TMX4: variants seen among roughly 807,000 people sequenced by gnomAD.
The protein encoded by TMX4 is thioredoxin related transmembrane protein 4, also known as thioredoxin-related transmembrane protein 4.
Under a neutral mutation model 33.3 loss-of-function variants are expected in TMX4, and 23 were observed. The ratio of observed to expected loss-of-function variants is 0.69; its 90% CI spans 0.50 to 0.98. The LOEUF is 0.98. TMX4 is among the 50% of genes least tolerant of loss of function. The probability of loss-of-function intolerance (pLI) is 0.00; values close to 1 mark genes in which losing one functional copy is unlikely to be tolerated. For synonymous variants in TMX4, 164 were observed against 161.5 expected (o/e 1.02, Z -0.12); for missense variants, 399 against 448.9 (o/e 0.89, Z 1.01).
In TMX4 at chr20:7,978,133, T is replaced by G. The variant is rs1487588961; in HGVS notation, c.*4118A>C. ...ATTCTTTCGAAAATGTTGGTACATT[T>G]GACAGGATGGGTCAACCACATATTC... On this transcript the variant is annotated 3_prime_UTR_variant, in exon 8 of 8. Coordinates refer to ENST00000246024, the MANE Select transcript of TMX4 (RefSeq NM_021156.4). The G allele has an allele frequency of 1.3e-5, 2 of 152,206 alleles. No individual in the cohort carries two copies. Among genetic ancestry groups the G allele is most frequent in the Admixed American group, 6.5e-5 (1 of 15,278 alleles). 9.4% of individuals were successfully genotyped at this position (152,206 alleles called of 1,614,324 possible).
chr20:8,006,701 CTCTA>C (rs1350632433), intron 2 of TMX4, among the ~76,000 whole-genome samples: 1 of 151,728 alleles, frequency 6.6e-6, no homozygotes, highest in East Asian at 1.9e-4. Context: ...ACTTCTCCCT[CTCTA>C]TCTCACTAAC....
chr20:8,018,524 G>GTGTCTC (rs767056731), intron 1 of TMX4, among the ~76,000 whole-genome samples: 565 of 45,344 alleles, frequency 0.012, 149 homozygotes, highest in African/African-American at 0.089. Flanking sequence ...GAGAGAGAGA[G>GTGTCTC]AGAGTCTGCA....
At chr20:8,004,498 T>C (rs1213709269) in intron 2 of TMX4, among the ~76,000 whole-genome samples, 1 of 152,240 alleles carries the variant, frequency 6.6e-6, no homozygotes, top group African/African-American at 2.4e-5. Context: ...AATTTCTACA[T>C]GCCTTTTTTA....
chr20:7,991,367 T>C (rs901371143), intron 5 of TMX4, among the ~76,000 whole-genome samples: 6 of 152,252 alleles, frequency 3.9e-5, no homozygotes, highest in African/African-American at 1.4e-4. Flanking sequence ...CGCAAAAGCA[T>C]ATACAGGTTG....
chr20:7,996,401 G>A (rs1456226049), intron 4 of TMX4, among the ~76,000 whole-genome samples: 1 of 152,114 alleles, frequency 6.6e-6, no homozygotes, highest in Non-Finnish European at 1.5e-5. Flanking sequence ...AACCTAAGTG[G>A]ACACGTAATA....
chr20:8,013,774 T>C (rs2050762167), intron 1 of TMX4: 2 of 152,250 alleles, frequency 1.3e-5, no homozygotes, highest in Non-Finnish European at 2.9e-5. Flanking sequence ...TTACCAATAA[T>C]GAACAACTCT....
rs1018878439 is a variant in TMX4 at position 8,019,657 on chromosome 20, G to A, written c.-44C>T. 1.0e-5 allele frequency: 13 copies of A among 1,289,702 alleles called. No homozygotes were observed. The highest frequency in any genetic ancestry group is 9.8e-6 in the Non-Finnish European group (10 of 1,017,886). The allele number at this position is 1,289,702 out of a possible 1,614,324, so 79.9% of individuals were successfully genotyped here. A position where few individuals can be genotyped will look rare whatever the true frequency, so the allele number is the denominator to read the frequency against. ...CTTCTCGGCGGGGAGTGTGGGGAAG[G>A]GCAGCGGCCGGCCCGCAGCCTCGCT... On this transcript the variant is annotated 5_prime_UTR_variant, in exon 1 of 8. Coordinates refer to ENST00000246024, the MANE Select transcript of TMX4 (RefSeq NM_021156.4).
At chr20:8,001,470 AAG>A (rs2050707195) in intron 3 of TMX4, 24 bp downstream of exon 3, 1 of 1,574,350 alleles carries the variant, frequency 6.4e-7, no homozygotes, top group Admixed American at 1.8e-5. Flanking sequence ...TAATATTTGC[AAG>A]ATTAGAAGAT....
chr20:8,018,798 C>G, intron 1 of TMX4: 1 of 222,674 alleles, frequency 4.5e-6, no homozygotes, highest in Non-Finnish European at 9.1e-6. Context: ...CCTACCTTTA[C>G]AAGTTATAAT....
Position 7,983,871 on chromosome 20 carries a change from A to G in TMX4, c.616-14T>C, listed in dbSNP as rs758545912. 1.2e-6 allele frequency: 2 copies of G among 1,611,336 alleles called. No individual in the cohort carries two copies. Among genetic ancestry groups the G allele is most frequent in the Admixed American group, 3.3e-5 (2 of 59,852 alleles). On this transcript the variant is annotated splice_polypyrimidine_tract_variant and intron_variant, in intron 6 of 7. Transcript: ENST00000246024. ...TACCACCAAGACCTGGAAGGAAAAAAGTGATTTTACAGTGAATAGATAGGA... is the reference window on the plus strand; with the variant it reads ...TACCACCAAGACCTGGAAGGAAAAAGGTGATTTTACAGTGAATAGATAGGA...
intron 7 of TMX4, among the ~76,000 whole-genome samples, chr20:7,982,880 C>T (rs897147864): frequency 1.3e-5 from 2 of 152,122 alleles, no homozygotes; most frequent in African/African-American, 4.8e-5. Context: ...CCTTTACGCT[C>T]GGTATTTTGT....
chr20:8,018,035 G>A (rs907499508), intron 1 of TMX4, among the ~76,000 whole-genome samples: 14 of 151,892 alleles, frequency 9.2e-5, no homozygotes, highest in Non-Finnish European at 2.1e-4. Flanking sequence ...AATGTAATCT[G>A]CTGTGTGACA....
At chr20:8,002,554 A>G (rs1046893283) in intron 2 of TMX4, among the ~76,000 whole-genome samples, 5 of 152,190 alleles carry the variant, frequency 3.3e-5, no homozygotes, top group Admixed American at 1.3e-4. Context: ...CCTGGCCAAC[A>G]TGGAAAAATG....
chr20:8,016,240 C>T (rs2050774846), intron 1 of TMX4, among the ~76,000 whole-genome samples: 1 of 152,044 alleles, frequency 6.6e-6, no homozygotes, highest in Admixed American at 6.5e-5. Flanking sequence ...AGCCCATAGC[C>T]GGGTGCCTGT....
chr20:8,010,321 AGAG>A lies in TMX4; in HGVS notation c.177-9_177-7del, dbSNP rs1475503645. ...ATGGACACCATGGGGCGTAACTATA[AGAG>A]AAGAATAAGAATTATATTGATAAAT... On this transcript the variant is annotated splice_region_variant and splice_polypyrimidine_tract_variant and intron_variant, in intron 1 of 7. Transcript: ENST00000246024. The A allele has an allele frequency of 1.3e-6, 2 of 1,589,234 alleles. No homozygotes were observed. The highest frequency in any genetic ancestry group is 1.7e-6 in the Non-Finnish European group (2 of 1,163,506).
intron 6 of TMX4, among the ~76,000 whole-genome samples, chr20:7,984,277 T>C (rs1351793747): frequency 6.6e-6 from 1 of 152,054 alleles, no homozygotes; most frequent in Non-Finnish European, 1.5e-5. Context: ...TGGGGAAGGA[T>C]TGAGGATGAC....
Position 8,019,433 on chromosome 20 carries a change from C to T in TMX4, c.176+5G>A. 6.6e-7 allele frequency: 1 copy of T among 1,515,678 alleles called. No homozygotes were observed. The highest frequency in any genetic ancestry group is 2.8e-5 in the East Asian group (1 of 35,402). 93.9% of individuals were successfully genotyped at this position (1,515,678 alleles called of 1,614,324 possible). On this transcript the variant is annotated splice_donor_5th_base_variant and intron_variant, in intron 1 of 7. Coordinates refer to ENST00000246024, the MANE Select transcript of TMX4 (RefSeq NM_021156.4). ...GCGGCGTCCGGGGCGGGCGGGCACACTCACAATTTCAGCATCCACTCGCCC... is the reference window on the plus strand; with the variant it reads ...GCGGCGTCCGGGGCGGGCGGGCACATTCACAATTTCAGCATCCACTCGCCC...
Position 7,978,634 on chromosome 20 carries a change from A to G in TMX4, c.*3617T>C, listed in dbSNP as rs1261611295. 6.6e-6 allele frequency: 1 copy of G among 152,242 alleles called. No homozygotes were observed. Among genetic ancestry groups the G allele is most frequent in the Non-Finnish European group, 1.5e-5 (1 of 68,044 alleles). The allele number at this position is 152,242 out of a possible 1,614,324, so 9.4% of individuals were successfully genotyped here. A position where few individuals can be genotyped will look rare whatever the true frequency, so the allele number is the denominator to read the frequency against. ...ACTACAGTAGTTATTTTGAATGTATAGAGCTAAAGAGGCCTGTGGCTAACA... is the reference window on the plus strand; with the variant it reads ...ACTACAGTAGTTATTTTGAATGTATGGAGCTAAAGAGGCCTGTGGCTAACA... On this transcript the variant is annotated 3_prime_UTR_variant, in exon 8 of 8. Transcript: ENST00000246024.
chr20:7,987,684 C>G (rs1476109014), intron 5 of TMX4, among the ~76,000 whole-genome samples: 1 of 152,058 alleles, frequency 6.6e-6, no homozygotes, highest in Admixed American at 6.5e-5. Flanking sequence ...GCCCTCCTCC[C>G]CTAATAATTA....
Sources: allele counts gnomAD v4.1 joint callset (sites outside exome capture counted in the v4.1 genomes callset), GRCh38; gene constraint gnomAD v4.1.1; transcripts MANE v1.5; gene names NCBI Gene and HGNC (gene_info 2026-07-23, HGNC 2026-07-21).